The following HDLBP variants were observed in gnomAD, a reference collection of about 807,000 sequenced individuals.
HDLBP encodes vigilin.
A neutral mutation model predicts 137.3 loss-of-function variants in HDLBP; 30 were observed. The observed-to-expected ratio is 0.22, with a 90% CI of 0.16 to 0.30. HDLBP has a LOEUF of 0.30. Ranked by LOEUF, HDLBP falls within the 10% of genes least tolerant of loss-of-function variation. The pLI is 1.00. For synonymous variants in HDLBP, 606 were observed against 596.0 expected, an observed-to-expected ratio of 1.02 and a Z score of -0.24; for missense variants, 1,119 against 1,667.3, an observed-to-expected ratio of 0.67 and a Z score of 5.73.
At chr2:241,260,061 T>C (rs985706158) in intron 5 of HDLBP, among the ~76,000 whole-genome samples, 3 of 152,178 alleles carry the variant, frequency 2.0e-5, no homozygotes, top group Non-Finnish European at 4.4e-5. Context: ...TGGAGTGCAA[T>C]GGCATGATCT....
chr2:241,256,703 T>C lies in HDLBP; in HGVS notation c.554A>G (p.Gln185Arg). ...GCTGGGGTCATCTGGGCGTGGGATCTGGATTTTGGTTGCAGTTTTTAGCTC... is the reference window on the plus strand; with the variant it reads ...GCTGGGGTCATCTGGGCGTGGGATCCGGATTTTGGTTGCAGTTTTTAGCTC... ...DLELKTATKI[Q>R]IPRPDDPSNQ... Residue 185 changes from glutamine to arginine, a missense_variant, in exon 6 of 28, where the codon CAG (glutamine) becomes CGG (arginine). Around this residue, in one of 4 missense-constraint regions of HDLBP, gnomAD observed 425 missense variants for 693.9 expected, o/e 0.61. Transcript: ENST00000310931. The C allele has an allele frequency of 6.2e-7, 1 of 1,614,254 alleles. No homozygotes were observed. The highest frequency in any genetic ancestry group is 8.5e-7 in the Non-Finnish European group (1 of 1,180,044).
In HDLBP at chr2:241,256,380, C is replaced by T; in HGVS notation, c.677G>A (p.Arg226Lys). The T allele has an allele frequency of 6.2e-7, 1 of 1,610,464 alleles. No homozygotes were observed. Among genetic ancestry groups the T allele is most frequent in the South Asian group, 1.1e-5 (1 of 90,488 alleles). Reference protein sequence around the residue: ...SAEQDKRAVERLEVEKAFHPF... With the variant: ...SAEQDKRAVEKLEVEKAFHPF... Reference sequence around the variant, plus strand: ...GTGGAATGCCTTTTCTACTTCTAGCCTCTCCACAGCACGTTTGTCCTGGAA... The same window carrying T: ...GTGGAATGCCTTTTCTACTTCTAGCTTCTCCACAGCACGTTTGTCCTGGAA... Residue 226 changes from arginine (R) to lysine (K), a missense_variant, in exon 7 of 28, where the codon AGG (arginine) becomes AAG (lysine). By Grantham distance (26) the Arg-to-Lys change is conservative. Coordinates refer to ENST00000310931, the MANE Select transcript of HDLBP (RefSeq NM_005336.6).
intron 12 of HDLBP, chr2:241,249,510 G>A (rs1334664949): frequency 1.9e-6 from 1 of 513,730 alleles, no homozygotes; most frequent in Admixed American, 2.3e-5. Flanking sequence ...GAACCACCTG[G>A]GATGCCTTTG....
At chr2:241,267,766 A>C in intron 2 of HDLBP, 1 of 1,507,586 alleles carries the variant, frequency 6.6e-7, no homozygotes. Context: ...AGACCCACAA[A>C]TTGCGCTAAA....
At chr2:241,287,420 C>CTTT (rs57462994) in intron 1 of HDLBP, among the ~76,000 whole-genome samples, 1 of 135,372 alleles carries the variant, frequency 7.4e-6, no homozygotes, top group East Asian at 2.2e-4. Flanking sequence ...TTCTTTCTTT[C>CTTT]TTTTTTTTTT....
At chr2:241,234,305 G>C (rs966083666) in intron 23 of HDLBP, among the ~76,000 whole-genome samples, 1 of 152,228 alleles carries the variant, frequency 6.6e-6, no homozygotes, top group African/African-American at 2.4e-5. Context: ...GGATCTGATG[G>C]ATACGCACAG....
chr2:241,238,633 C>CT lies in HDLBP; in HGVS notation c.2749+15dup, dbSNP rs536900616. On this transcript the variant is annotated intron_variant, in intron 20 of 27. Transcript: ENST00000310931. The surrounding 1 kb of genome is among the most constrained non-coding windows in gnomAD (Gnocchi z 4.9). ...GCCACTATTAACAAGCAGAGCAGGG[C>CT]TAATGGGGGACCCACCTGCGTTCTC... 133 of 1,543,272 alleles carry CT rather than the reference C, an allele frequency of 8.6e-5. No homozygotes were observed. The East Asian group carries it at 2.1e-3, about 24-fold the overall frequency.
Position 241,256,618 on chromosome 2 carries a change from T to C in HDLBP, c.639A>G (p.Leu213=), listed in dbSNP as rs200251201. 1.9e-6 allele frequency: 3 copies of C among 1,613,982 alleles called. No individual in the cohort carries two copies. Among genetic ancestry groups the C allele is most frequent in the Non-Finnish European group, 2.5e-6 (3 of 1,180,018 alleles). ...EGIEKARHEV[L]LISAEQDKRA... Reference sequence around the variant, plus strand: ...GCCTCACCTGCTCGGCAGAGATGAGTAAGACTTCATGGCGAGCTTTCTCGA... The same window carrying C: ...GCCTCACCTGCTCGGCAGAGATGAGCAAGACTTCATGGCGAGCTTTCTCGA... The change falls in exon 6 of 28, where the codon TTA becomes TTG. Residue 213 remains leucine (L), a synonymous_variant. Coordinates refer to ENST00000310931, the MANE Select transcript of HDLBP (RefSeq NM_005336.6).
At chr2:241,291,624 A>G (rs568263407) in intron 1 of HDLBP, among the ~76,000 whole-genome samples, 71 of 152,332 alleles carry the variant, frequency 4.7e-4, no homozygotes, top group African/African-American at 1.7e-3. Flanking sequence ...TTGATACAGG[A>G]AATCTTCTTT....
rs942935492 is a variant in HDLBP at position 241,252,622 on chromosome 2, T to C, written c.1372+335A>G. Among the ~76,000 whole-genome samples, 3 of 152,222 alleles carry C rather than the reference T, an allele frequency of 2.0e-5. No homozygotes were observed. In the South Asian group the frequency reaches 6.2e-4, roughly 32 times the overall value. ...AAGGCATGAGTACTACCAACACTGA[T>C]TGGCTAACCTAGCAGGTCTGACGGA... On this transcript the variant is annotated intron_variant, in intron 11 of 27. Coordinates refer to ENST00000310931, the MANE Select transcript of HDLBP (RefSeq NM_005336.6).
At chr2:241,229,788 G>GCCTGGGCCCC in intron 27 of HDLBP, 45 bp downstream of exon 27, 1 of 407,838 alleles carries the variant, frequency 2.5e-6, no homozygotes, top group Non-Finnish European at 4.1e-6. Context: ...CCGCCTGCCC[G>GCCTGGGCCCC]CCCACCCTCC....
intron 24 of HDLBP, chr2:241,231,372 A>G (rs923053270): frequency 6.6e-6 from 1 of 151,028 alleles, no homozygotes; most frequent in Non-Finnish European, 1.5e-5. Flanking sequence ...CAACAGAGCA[A>G]AACTCCATCT....
chr2:241,271,279 G>A (rs949023245), intron 1 of HDLBP, among the ~76,000 whole-genome samples: 3 of 152,148 alleles, frequency 2.0e-5, no homozygotes, highest in Admixed American at 2.0e-4. Context: ...TACTGAACCT[G>A]GACTTTTAAT....
rs562101573 is a variant in HDLBP, at chr2:241,227,407, T to C, written c.*2194A>G. 3.3e-5 allele frequency: 5 copies of C among 152,676 alleles called. No homozygotes were observed. The South Asian group carries it at 8.3e-4, about 25-fold the overall frequency. 9.5% of individuals were successfully genotyped at this position (152,676 alleles called of 1,614,324 possible). ...TCCAAAGTTAAGGCCAAGGGATGGA[T>C]TGTAGCTATGGAAACAGATGATATG... On this transcript the variant is annotated 3_prime_UTR_variant, in exon 28 of 28. Transcript: ENST00000310931.
rs980158101 is a variant in HDLBP, at chr2:241,236,062, C to G, written c.2905-468G>C. 5.2e-5 allele frequency: 10 copies of G among 190,688 alleles called. No homozygotes were observed. In the Admixed American group the frequency reaches 5.4e-4, roughly 10 times the overall value. 11.8% of individuals were successfully genotyped at this position (190,688 alleles called of 1,614,324 possible). ...CTCACCTTCCCTGCCCTGTCTCCCC[C>G]ACCGCCCTTCACCTCCAGAACCTGC... On this transcript the variant is annotated intron_variant, in intron 21 of 27. Transcript: ENST00000310931.
chr2:241,257,358 G>A (rs1020958937), intron 5 of HDLBP, among the ~76,000 whole-genome samples: 6 of 152,150 alleles, frequency 3.9e-5, no homozygotes, highest in East Asian at 1.9e-4. Context: ...TCAGCCTCTC[G>A]ATTAGCTGGG....
At chr2:241,251,800 T>G (rs1159826666) in intron 11 of HDLBP, among the ~76,000 whole-genome samples, 1 of 151,748 alleles carries the variant, frequency 6.6e-6, no homozygotes, top group African/African-American at 2.4e-5. Context: ...CATGGTGAAA[T>G]TCCATCTCTA....
At chr2:241,263,110 C>T (rs1010985785) in intron 4 of HDLBP, among the ~76,000 whole-genome samples, 184 bp from the exon 5 acceptor site, 1 of 152,228 alleles carries the variant, frequency 6.6e-6, no homozygotes, top group African/African-American at 2.4e-5. Flanking sequence ...GGTCAAGAGG[C>T]TGACATCCTA....
intron 1 of HDLBP, among the ~76,000 whole-genome samples, chr2:241,274,545 G>A (rs1231073363): frequency 2.0e-5 from 3 of 152,178 alleles, no homozygotes; most frequent in Non-Finnish European, 4.4e-5. Flanking sequence ...AAGAGTAACG[G>A]GTAGGGATTC....
Sources: gnomAD v4.1 joint callset for allele counts (sites outside exome capture counted in the v4.1 genomes callset) on GRCh38, gnomAD v4.1.1 for gene constraint, gnomAD v4.1.1 regional missense constraint, Gnocchi (gnomAD v3.1) non-coding constraint, MANE v1.5 for transcripts, NCBI Gene and HGNC (gene_info 2026-07-23, HGNC 2026-07-21) for gene names.